DIAPH2: variants seen among roughly 807,000 people sequenced by gnomAD.
DIAPH2 encodes the protein protein diaphanous homolog 2.
DIAPH2 carries 35 observed loss-of-function variants against 92.7 expected under a neutral mutation model. The observed-to-expected ratio is 0.38, with a 90% CI of 0.29 to 0.50. The LOEUF is 0.50. DIAPH2 is among the 20% of genes least tolerant of loss of function. DIAPH2 has a pLI of 0.94. For synonymous variants in DIAPH2, 301 were observed against 280.4 expected, an observed-to-expected ratio of 1.07 and a Z score of -0.73; for missense variants, 701 against 819.5, an observed-to-expected ratio of 0.86 and a Z score of 1.77.
rs1177892596 is a variant in DIAPH2, at chrX:97,595,928, G to T, written c.3242-3325G>T. ...ATTACAGGCGTGAGCCACCGCGCCTGACCCAGGATGCACATTTTCATATAA... is the reference window on the plus strand; with the variant it reads ...ATTACAGGCGTGAGCCACCGCGCCTTACCCAGGATGCACATTTTCATATAA... On this transcript the variant is annotated intron_variant, in intron 26 of 26. Coordinates refer to ENST00000324765, the MANE Select transcript of DIAPH2 (RefSeq NM_006729.5). Among the ~76,000 whole-genome samples the T allele has an allele frequency of 2.7e-5, 3 of 111,700 alleles. No homozygotes were observed. The South Asian group carries it at 1.1e-3, about 42-fold the overall frequency.
At chrX:96,711,796 G>A (rs970980267) in intron 1 of DIAPH2, among the ~76,000 whole-genome samples, 4 of 109,503 alleles carry the variant, frequency 3.7e-5, no homozygotes, top group Non-Finnish European at 7.6e-5. Flanking sequence ...TTTTAGCTCT[G>A]CTGTTGCTGT....
chrX:97,335,188 G>A (rs1045726992), intron 23 of DIAPH2, among the ~76,000 whole-genome samples: 13 of 110,127 alleles, frequency 1.2e-4, no homozygotes, highest in African/African-American at 4.3e-4. Flanking sequence ...GGTTAAATAA[G>A]ACAAAGCTTG....
intron 23 of DIAPH2, among the ~76,000 whole-genome samples, chrX:97,294,749 A>T (rs1465155895): frequency 2.7e-5 from 3 of 112,021 alleles, no homozygotes; most frequent in Non-Finnish European, 5.6e-5. Context: ...TAAAATTGCG[A>T]GTAATTTTTA....
chrX:97,342,165 G>A (rs183386041), intron 23 of DIAPH2, among the ~76,000 whole-genome samples: 9 of 112,007 alleles, frequency 8.0e-5, no homozygotes, highest in South Asian at 3.7e-4. Flanking sequence ...ATTAAAATGC[G>A]TTCTCAAATA....
chrX:96,746,620 C>G (rs1210763008), intron 3 of DIAPH2, among the ~76,000 whole-genome samples: 1 of 110,438 alleles, frequency 9.1e-6, no homozygotes, highest in African/African-American at 3.3e-5. Context: ...GTGGTGTGAT[C>G]ATGGCTCACT....
chrX:97,402,074 C>G (rs1307433365), intron 25 of DIAPH2, among the ~76,000 whole-genome samples: 1 of 112,167 alleles, frequency 8.9e-6, no homozygotes, highest in Admixed American at 9.5e-5. Flanking sequence ...GCATTGGACT[C>G]TTTACAGGGA....
intron 26 of DIAPH2, among the ~76,000 whole-genome samples, chrX:97,587,436 C>G (rs998959503): frequency 4.7e-4 from 53 of 111,888 alleles, no homozygotes; most frequent in African/African-American, 1.5e-3. Context: ...GGCAACATTT[C>G]TATACCCACT....
At chrX:97,517,674 T>G (rs1396000867) in intron 26 of DIAPH2, among the ~76,000 whole-genome samples, 1 of 112,632 alleles carries the variant, frequency 8.9e-6, no homozygotes, top group African/African-American at 3.2e-5. Flanking sequence ...CAGCTAAGGC[T>G]TTAGTCACAC....
chrX:97,490,960 ATT>A (rs751878170), intron 26 of DIAPH2, among the ~76,000 whole-genome samples: 3 of 102,804 alleles, frequency 2.9e-5, no homozygotes. Context: ...TTCCTTATTG[ATT>A]TTTTTTTTTG....
At chrX:97,468,722 A>G (rs1263913312) in intron 26 of DIAPH2, among the ~76,000 whole-genome samples, 1 of 111,171 alleles carries the variant, frequency 9.0e-6, no homozygotes. Flanking sequence ...TTTTGTGTGA[A>G]CATTTAACAC....
chrX:97,278,875 G>A (rs758747713), intron 23 of DIAPH2, among the ~76,000 whole-genome samples: 6 of 112,335 alleles, frequency 5.3e-5, no homozygotes, highest in African/African-American at 1.9e-4. Context: ...AGAAGGATGC[G>A]AGACAGGCAG....
At chrX:97,223,892 A>G (rs1252167959) in intron 22 of DIAPH2, among the ~76,000 whole-genome samples, 2 of 111,392 alleles carry the variant, frequency 1.8e-5, no homozygotes, top group African/African-American at 6.5e-5. Flanking sequence ...AAGTAGAGAA[A>G]GTTATTGTTT....
At chrX:97,313,110 G>A (rs1054443385) in intron 23 of DIAPH2, among the ~76,000 whole-genome samples, 12 of 110,835 alleles carry the variant, frequency 1.1e-4, no homozygotes, top group African/African-American at 3.6e-4. Flanking sequence ...GCGTGAACCC[G>A]GGAGGCAGAG....
chrX:96,793,458 C>T (rs1047883823), intron 4 of DIAPH2, among the ~76,000 whole-genome samples: 1 of 112,921 alleles, frequency 8.9e-6, no homozygotes, highest in African/African-American at 3.2e-5. Flanking sequence ...CACAAGTGAC[C>T]GTGCCCGGCC....
intron 4 of DIAPH2, among the ~76,000 whole-genome samples, chrX:96,871,994 G>C (rs771216046): frequency 4.2e-4 from 47 of 112,126 alleles, no homozygotes; most frequent in Non-Finnish European, 7.9e-4. Context: ...GTGCCAAAAA[G>C]TTACATATAG....
chrX:97,414,694 A>G (rs1463837063), intron 25 of DIAPH2, among the ~76,000 whole-genome samples: 5 of 108,904 alleles, frequency 4.6e-5, no homozygotes, highest in African/African-American at 1.7e-4. Context: ...TCCCTTCCTT[A>G]CACCTTATAC....
Position 96,871,472 on chromosome X carries a change from A to AAAC in DIAPH2, c.448-10105_448-10104insCAA, listed in dbSNP as rs2065142201. 2.9e-5 allele frequency among the ~76,000 whole-genome samples: 3 copies of AAAC among 104,595 alleles called. No homozygotes were observed. In the Admixed American group the frequency reaches 3.1e-4, roughly 11 times the overall value. 90.8% of individuals were successfully genotyped at this position (104,595 alleles called of 115,157 possible). ...GCGACAGAGCGAGACTCCGTCTCAA[A>AAAC]AAAAAAAAAAAAAAAAAAAAAAGGT... On this transcript the variant is annotated intron_variant, in intron 4 of 26. Coordinates refer to ENST00000324765, the MANE Select transcript of DIAPH2 (RefSeq NM_006729.5).
At chrX:96,904,621 G>A (rs1308817606) in intron 5 of DIAPH2, among the ~76,000 whole-genome samples, 2 of 111,210 alleles carry the variant, frequency 1.8e-5, no homozygotes, top group East Asian at 5.6e-4. Flanking sequence ...AAATACTAAG[G>A]TTTACTTGGT....
intron 4 of DIAPH2, among the ~76,000 whole-genome samples, chrX:96,871,469 CA>C (rs34852539): frequency 0.01 from 288 of 28,766 alleles, no homozygotes; most frequent in African/African-American, 0.037. Context: ...GACTCCGTCT[CA>C]AAAAAAAAAA....
Sources: gnomAD v4.1 joint callset for allele counts (sites outside exome capture counted in the v4.1 genomes callset) on GRCh38, gnomAD v4.1.1 for gene constraint, MANE v1.5 for transcripts, NCBI Gene and HGNC (gene_info 2026-07-23, HGNC 2026-07-21) for gene names.